Variants in CDH12 observed in about 807,000 individuals in gnomAD.
CDH12 encodes cadherin 12, also known as cadherin-12.
Under a neutral mutation model 74.1 loss-of-function variants are expected in CDH12, and 41 were observed. The ratio of observed to expected loss-of-function variants is 0.55; its 90% CI spans 0.43 to 0.72. The LOEUF is 0.72. CDH12 is among the 30% of genes least tolerant of loss of function. The probability of loss-of-function intolerance (pLI) is 0.00; values close to 1 mark genes in which losing one functional copy is unlikely to be tolerated. For synonymous variants in CDH12, 399 were observed against 355.0 expected, an observed-to-expected ratio of 1.12 and a Z score of -1.39; for missense variants, 945 against 977.2, an observed-to-expected ratio of 0.97 and a Z score of 0.44.
intron 1 of CDH12, among the ~76,000 whole-genome samples, chr5:22,704,984 T>G (rs1222795716): frequency 1.3e-5 from 2 of 151,870 alleles, no homozygotes; most frequent in Non-Finnish European, 2.9e-5. Flanking sequence ...ATTGAATGAA[T>G]TATAAATCAT....
intron 3 of CDH12, among the ~76,000 whole-genome samples, chr5:22,350,844 A>C (rs1740328674): frequency 1.3e-5 from 2 of 152,188 alleles, no homozygotes; most frequent in Non-Finnish European, 2.9e-5. Context: ...AAGTTTCTTT[A>C]GGTGTTATGT....
Position 21,802,376 on chromosome 5 carries a change from C to T in CDH12, c.1047G>A (p.Glu349=). ...ETKKAYTFKV[E]ASNLHLDHRF... ...GGTGGTCAAGGTGAAGGTTGGAAGC[C>T]TCAACTTTGAAAGTGTATGCCTTCT... is the stretch of plus-strand genomic sequence containing the variant. The change falls in exon 10 of 15, where the codon GAG becomes GAA. Residue 349 remains glutamate (E), a synonymous_variant. Transcript: ENST00000382254. 1.2e-6 allele frequency: 2 copies of T among 1,613,734 alleles called. No individual in the cohort carries two copies. The highest frequency in any genetic ancestry group is 1.7e-5 in the Admixed American group (1 of 60,002).
chr5:22,226,708 C>T (rs1037252455), intron 3 of CDH12, among the ~76,000 whole-genome samples: 18 of 152,056 alleles, frequency 1.2e-4, no homozygotes, highest in African/African-American at 3.9e-4. Flanking sequence ...AAATGAACAC[C>T]GTGTCCACTG....
chr5:22,436,375 C>T (rs968684457), intron 2 of CDH12, among the ~76,000 whole-genome samples: 57 of 144,494 alleles, frequency 3.9e-4, no homozygotes, highest in African/African-American at 7.4e-4. Flanking sequence ...ACCAACATGG[C>T]AGATGTATAC....
chr5:21,795,876 G>A (rs1030770924), intron 10 of CDH12, among the ~76,000 whole-genome samples: 4 of 151,794 alleles, frequency 2.6e-5, no homozygotes, highest in South Asian at 4.1e-4. Context: ...TTTCTTAATC[G>A]AGAGTTTCTT....
intron 1 of CDH12, among the ~76,000 whole-genome samples, chr5:22,790,513 C>T (rs1027639326): frequency 6.6e-6 from 1 of 152,082 alleles, no homozygotes; most frequent in Non-Finnish European, 1.5e-5. Context: ...TCATCTTATC[C>T]GTTGGCTTCA....
intron 1 of CDH12, among the ~76,000 whole-genome samples, chr5:22,777,584 G>C (rs533400809): frequency 1.3e-3 from 203 of 151,788 alleles, no homozygotes; most frequent in Non-Finnish European, 2.4e-3. Context: ...CTTTCATTTG[G>C]TTTTTGGCTC....
At chr5:22,335,585 A>T (rs1295305564) in intron 3 of CDH12, among the ~76,000 whole-genome samples, 1 of 150,348 alleles carries the variant, frequency 6.7e-6, no homozygotes, top group African/African-American at 2.5e-5. Context: ...ACTCCATCTC[A>T]AAAGAAAAAA....
chr5:21,878,916 GAAGAAAGAAAAAGA>G (rs1226326247), intron 6 of CDH12, among the ~76,000 whole-genome samples: 5 of 122,102 alleles, frequency 4.1e-5, no homozygotes, highest in Non-Finnish European at 8.4e-5. Context: ...GAAAAGAAAG[GAAGAAAGAAAAAGA>G]AAGAAAGAAA....
intron 3 of CDH12, among the ~76,000 whole-genome samples, chr5:22,357,745 A>T (rs934610401): frequency 2.6e-5 from 4 of 152,128 alleles, no homozygotes; most frequent in African/African-American, 9.7e-5. Flanking sequence ...AAAATGATCA[A>T]TTTTTCCCTC....
chr5:22,422,701 A>C (rs1743707531), intron 2 of CDH12, among the ~76,000 whole-genome samples: 1 of 152,162 alleles, frequency 6.6e-6, no homozygotes, highest in Non-Finnish European at 1.5e-5. Context: ...CCAAAAGCTC[A>C]AATTTTGTCA....
At chr5:21,896,044 A>G (rs1038696079) in intron 6 of CDH12, among the ~76,000 whole-genome samples, 6 of 152,156 alleles carry the variant, frequency 3.9e-5, no homozygotes, top group African/African-American at 1.4e-4. Context: ...AAATTGAATT[A>G]AAGCCCTGAG....
intron 1 of CDH12, among the ~76,000 whole-genome samples, chr5:22,604,757 A>C (rs894652217): frequency 1.3e-5 from 2 of 152,150 alleles, no homozygotes; most frequent in African/African-American, 4.8e-5. Flanking sequence ...TGTTGTGCTC[A>C]CCCACCTGGT....
chr5:22,553,872 G>A (rs986228291), intron 1 of CDH12, among the ~76,000 whole-genome samples: 1 of 152,074 alleles, frequency 6.6e-6, no homozygotes, highest in Non-Finnish European at 1.5e-5. Context: ...TCCCTCGCAT[G>A]CACATTTTGC....
intron 6 of CDH12, among the ~76,000 whole-genome samples, chr5:21,934,184 G>T (rs184864045): frequency 6.6e-6 from 1 of 152,236 alleles, no homozygotes; most frequent in East Asian, 1.9e-4. Flanking sequence ...CAAATCTGAT[G>T]TGGAATTGTG....
chr5:22,027,244 A>G (rs1468843676), intron 5 of CDH12, among the ~76,000 whole-genome samples: 1 of 152,100 alleles, frequency 6.6e-6, no homozygotes, highest in Non-Finnish European at 1.5e-5. Flanking sequence ...TTTTGCATCA[A>G]TGTTCATCAA....
At chr5:22,236,283 C>T (rs1410052479) in intron 3 of CDH12, among the ~76,000 whole-genome samples, 1 of 152,016 alleles carries the variant, frequency 6.6e-6, no homozygotes, top group African/African-American at 2.4e-5. Context: ...TAAACTTTTT[C>T]ATTTTTTGAA....
chr5:22,077,696 T>C (rs1742427437), intron 5 of CDH12, among the ~76,000 whole-genome samples: 1 of 151,998 alleles, frequency 6.6e-6, no homozygotes, highest in African/African-American at 2.4e-5. Flanking sequence ...GTGAAAACAA[T>C]TTAATGGAAA....
chr5:22,712,164 T>A (rs569297310), intron 1 of CDH12, among the ~76,000 whole-genome samples: 19 of 152,084 alleles, frequency 1.2e-4, no homozygotes, highest in African/African-American at 4.6e-4. Flanking sequence ...CCTGTAACAA[T>A]ACCTAAAACA....
Sources: gnomAD v4.1 joint callset for allele counts (sites outside exome capture counted in the v4.1 genomes callset) on GRCh38, gnomAD v4.1.1 for gene constraint, MANE v1.5 for transcripts, NCBI Gene and HGNC (gene_info 2026-07-23, HGNC 2026-07-21) for gene names.